Variants in YME1L1 observed in about 807,000 individuals in gnomAD.
YME1L1 encodes ATP-dependent zinc metalloprotease YME1L1.
YME1L1 carries 39 observed loss-of-function variants against 90.4 expected under a neutral mutation model. The ratio of observed to expected loss-of-function variants is 0.43; its 90% CI spans 0.33 to 0.56. The LOEUF (loss-of-function observed/expected upper bound fraction) is 0.56. Among genes scored for constraint, YME1L1 ranks in the 20% least tolerant of loss-of-function variants. The probability of loss-of-function intolerance (pLI) is 0.03; values close to 1 mark genes in which losing one functional copy is unlikely to be tolerated. For synonymous variants in YME1L1, 284 were observed against 287.3 expected, an observed-to-expected ratio of 0.99 and a Z score of 0.12; for missense variants, 617 against 868.4, an observed-to-expected ratio of 0.71 and a Z score of 3.64.
intron 10 of YME1L1, among the ~76,000 whole-genome samples, chr10:27,123,256 C>T (rs1163425634): frequency 6.6e-6 from 1 of 152,066 alleles, no homozygotes; most frequent in Non-Finnish European, 1.5e-5. Context: ...TAATTCCATA[C>T]TACAAAATTG....
At chr10:27,122,652 A>C (rs35488530) in intron 11 of YME1L1, among the ~76,000 whole-genome samples, 189 bp downstream of exon 11, 1 of 152,236 alleles carries the variant, frequency 6.6e-6, no homozygotes, top group Non-Finnish European at 1.5e-5. Context: ...TGAAAACAAT[A>C]CAATACTGAG....
rs1412493842 is a variant in YME1L1 at position 27,110,412 on chromosome 10, C to T, written c.*1565G>A. 2 of 152,124 alleles carry T rather than the reference C, an allele frequency of 1.3e-5. No homozygotes were observed. The highest frequency in any genetic ancestry group is 2.9e-5 in the Non-Finnish European group (2 of 68,030). 9.4% of individuals were successfully genotyped at this position (152,124 alleles called of 1,614,324 possible). On this transcript the variant is annotated 3_prime_UTR_variant, in exon 19 of 19. Coordinates refer to ENST00000376016, the MANE Select transcript of YME1L1 (RefSeq NM_014263.4). ...ATATAATGTAACAAGCTTCCTGTAA[C>T]AATATCTATCTTTTTTCAATGAAGA... is the stretch of plus-strand genomic sequence containing the variant.
chr10:27,135,391 T>A (rs186455514), intron 5 of YME1L1, among the ~76,000 whole-genome samples: 7 of 152,348 alleles, frequency 4.6e-5, no homozygotes, highest in Admixed American at 3.9e-4. Context: ...AAACCACTGA[T>A]CTTAAAGTTT....
chr10:27,126,891 T>A (rs778288382), intron 8 of YME1L1, 105 bp from the exon 9 acceptor site: 4 of 653,942 alleles, frequency 6.1e-6, no homozygotes, highest in Non-Finnish European at 1.0e-5. Context: ...GATATGGAAT[T>A]AACCTGACCT....
chr10:27,148,481 G>A (rs1240453709), intron 2 of YME1L1, among the ~76,000 whole-genome samples: 1 of 152,090 alleles, frequency 6.6e-6, no homozygotes, highest in African/African-American at 2.4e-5. Flanking sequence ...CAGATCCACA[G>A]ATACGTGGAC....
At chr10:27,118,498 T>A (rs949181165) in intron 14 of YME1L1, among the ~76,000 whole-genome samples, 1 of 151,828 alleles carries the variant, frequency 6.6e-6, no homozygotes, top group Non-Finnish European at 1.5e-5. Context: ...GCCCAGCTGA[T>A]CTTGAACTCC....
At chr10:27,128,821 A>G (rs1182588610) in intron 8 of YME1L1, among the ~76,000 whole-genome samples, 1 of 152,078 alleles carries the variant, frequency 6.6e-6, no homozygotes, top group African/African-American at 2.4e-5. Context: ...AGGCGGGAGG[A>G]TGGCTGGAGC....
In YME1L1 at chr10:27,115,248, G is replaced by A. The variant is rs540508801; in HGVS notation, c.1921-641C>T. Among the ~76,000 whole-genome samples the A allele has an allele frequency of 9.2e-5, 14 of 151,948 alleles. No individual in the cohort carries two copies. In the South Asian group the frequency reaches 2.3e-3, roughly 25 times the overall value. The stretch of plus-strand genomic sequence containing the variant: ...AGCCTGGGCAACAGAGCAAGACTCC[G>A]TCTCAAAAACAAAGAAACAAAAAAA... On this transcript the variant is annotated intron_variant, in intron 17 of 18. Transcript: ENST00000376016.
intron 15 of YME1L1, among the ~76,000 whole-genome samples, chr10:27,116,802 A>G (rs1252003003): frequency 6.6e-6 from 1 of 152,014 alleles, no homozygotes; most frequent in East Asian, 1.9e-4. Flanking sequence ...CTGAGGTGTG[A>G]GGATCACTTG....
At position 27,116,040 on chromosome 10, in the gene YME1L1, G is replaced by A. The variant is rs747586930; in HGVS notation, c.1920+20C>T. On this transcript the variant is annotated intron_variant, in intron 17 of 18. Coordinates refer to ENST00000376016, the MANE Select transcript of YME1L1 (RefSeq NM_014263.4). ...TGACACATAATTTGATACATGAAAA[G>A]GATTTAAAAAATCTATTACCTTTTC... 5.3e-5 allele frequency: 85 copies of A among 1,597,158 alleles called. No individual in the cohort carries two copies. The highest frequency in any genetic ancestry group is 7.3e-5 in the Non-Finnish European group (85 of 1,168,554).
intron 4 of YME1L1, among the ~76,000 whole-genome samples, chr10:27,139,673 TC>T (rs138494418): frequency 0.14 from 22,008 of 152,180 alleles, 1,904 homozygotes; most frequent in Admixed American, 0.23. Context: ...ATGGTTATTA[TC>T]CTATCTCTTC....
In YME1L1 at chr10:27,135,001, A is replaced by G; in HGVS notation, c.541-20T>C. 1.9e-6 allele frequency: 3 copies of G among 1,607,824 alleles called. No individual in the cohort carries two copies. Among genetic ancestry groups the G allele is most frequent in the Non-Finnish European group, 2.5e-6 (3 of 1,176,998 alleles). On this transcript the variant is annotated intron_variant, in intron 5 of 18. Coordinates refer to ENST00000376016, the MANE Select transcript of YME1L1 (RefSeq NM_014263.4). The stretch of plus-strand genomic sequence containing the variant: ...AAACCCCTGAATACACAAACAACAC[A>G]TCAGTACTGGTTAACAACACAGTGA...
chr10:27,129,403 T>C (rs955367226), intron 8 of YME1L1: 1 of 152,196 alleles, frequency 6.6e-6, no homozygotes, highest in African/African-American at 2.4e-5. Flanking sequence ...ACTATCATAA[T>C]GATTCCCAAT....
chr10:27,131,256 T>G (rs7901653), intron 8 of YME1L1, among the ~76,000 whole-genome samples: 75,965 of 152,076 alleles, frequency 0.5, 21,690 homozygotes, highest in Non-Finnish European at 0.65. Flanking sequence ...TACTTTTTCT[T>G]ACATCACATA....
chr10:27,143,541 T>C (rs1181999401), intron 3 of YME1L1, among the ~76,000 whole-genome samples: 1 of 149,400 alleles, frequency 6.7e-6, no homozygotes, highest in Admixed American at 6.7e-5. Flanking sequence ...CTACTAAAAA[T>C]ACAAAAATTA....
In YME1L1 at chr10:27,136,266, G is replaced by A. The variant is rs1273326650; in HGVS notation, c.540+10C>T. The stretch of plus-strand genomic sequence containing the variant: ...TATTTGCTTTTTGGATCATAAAAAG[G>A]TCTAATTACCTTCACGAATGATGGC... On this transcript the variant is annotated intron_variant, in intron 5 of 18. Coordinates refer to ENST00000376016, the MANE Select transcript of YME1L1 (RefSeq NM_014263.4). The A allele has an allele frequency of 8.1e-6, 13 of 1,604,796 alleles. No individual in the cohort carries two copies. In the South Asian group the frequency reaches 1.2e-4, roughly 15 times the overall value.
chr10:27,149,508 A>G (rs1412990538), intron 1 of YME1L1, among the ~76,000 whole-genome samples: 1 of 151,724 alleles, frequency 6.6e-6, no homozygotes, highest in African/African-American at 2.4e-5. Context: ...TCAGGAGTTC[A>G]AGACCAGCCT....
At chr10:27,131,256 TACATC>T (rs1223781760) in intron 8 of YME1L1, among the ~76,000 whole-genome samples, 1 of 152,024 alleles carries the variant, frequency 6.6e-6, no homozygotes, top group Non-Finnish European at 1.5e-5. Flanking sequence ...TACTTTTTCT[TACATC>T]ACATATCAGT....
At chr10:27,126,290 A>G (rs985201284) in intron 9 of YME1L1, among the ~76,000 whole-genome samples, 5 of 152,030 alleles carry the variant, frequency 3.3e-5, no homozygotes, top group Admixed American at 6.6e-5. Context: ...AAAAAATACA[A>G]AAATTAGCCG....
Sources: allele counts gnomAD v4.1 joint callset (sites outside exome capture counted in the v4.1 genomes callset), GRCh38; gene constraint gnomAD v4.1.1; transcripts MANE v1.5; gene names NCBI Gene and HGNC (gene_info 2026-07-23, HGNC 2026-07-21).